Variants in IFT88 observed in about 807,000 individuals in gnomAD.
The protein encoded by IFT88 is intraflagellar transport protein 88 homolog.
A neutral mutation model predicts 119.5 loss-of-function variants in IFT88; 74 were observed. The ratio of observed to expected loss-of-function variants is 0.62; its 90% CI spans 0.51 to 0.75. The LOEUF (loss-of-function observed/expected upper bound fraction) is 0.75. IFT88 is among the 30% of genes least tolerant of loss of function. The pLI is 0.00. For synonymous variants in IFT88, 279 were observed against 316.7 expected, an observed-to-expected ratio of 0.88 and a Z score of 1.26; for missense variants, 961 against 977.7, an observed-to-expected ratio of 0.98 and a Z score of 0.23.
At chr13:20,685,121 G>A (rs187830782) in intron 24 of IFT88, among the ~76,000 whole-genome samples, 97 of 152,334 alleles carry the variant, frequency 6.4e-4, no homozygotes, top group African/African-American at 2.3e-3. Flanking sequence ...CATTCCTTAT[G>A]GGAAACAAAG....
chr13:20,666,075 T>C (rs1227331743), intron 23 of IFT88, among the ~76,000 whole-genome samples: 1 of 152,186 alleles, frequency 6.6e-6, no homozygotes, highest in Middle Eastern at 3.2e-3. Flanking sequence ...TGCTCCTTGT[T>C]CCATAGAACC....
chr13:20,599,368 A>G (rs1157560785), intron 10 of IFT88, 83 bp from the exon 11 acceptor site: 6 of 567,282 alleles, frequency 1.1e-5, no homozygotes, highest in Non-Finnish European at 1.9e-5. Flanking sequence ...AATGCTTCAG[A>G]GAATATGAAT....
intron 15 of IFT88, among the ~76,000 whole-genome samples, chr13:20,630,518 A>G (rs2048040142): frequency 6.6e-6 from 1 of 152,196 alleles, no homozygotes; most frequent in South Asian, 2.1e-4. Flanking sequence ...TATGCAGAAT[A>G]AACACTCAGC....
rs926924522 is a variant in IFT88, at chr13:20,663,673, T to G, written c.2175+69T>G. ...ATGTCAGCCTTCTATAGCTCAAATGTGTGATGTTAGGAGCTTCTATAAGAA... is the reference window on the plus strand; with the variant it reads ...ATGTCAGCCTTCTATAGCTCAAATGGGTGATGTTAGGAGCTTCTATAAGAA... On this transcript the variant is annotated intron_variant, in intron 23 of 25. Transcript: ENST00000351808. 3.6e-6 allele frequency: 4 copies of G among 1,111,280 alleles called. No individual in the cohort carries two copies. The South Asian group carries it at 4.2e-5, about 12-fold the overall frequency. 68.8% of individuals were successfully genotyped at this position (1,111,280 alleles called of 1,614,324 possible).
intron 15 of IFT88, among the ~76,000 whole-genome samples, chr13:20,630,706 G>A (rs919297612): frequency 2.0e-5 from 3 of 152,042 alleles, no homozygotes; most frequent in African/African-American, 7.2e-5. Context: ...GCCTTCCAAG[G>A]CTCATTATTT....
At chr13:20,675,278 C>T (rs772618184) in intron 24 of IFT88, among the ~76,000 whole-genome samples, 1 of 152,116 alleles carries the variant, frequency 6.6e-6, no homozygotes, top group African/African-American at 2.4e-5. Context: ...GGGGCGGGTG[C>T]TGTCACTTCT....
chr13:20,624,542 G>A (rs370920402), intron 14 of IFT88, among the ~76,000 whole-genome samples: 1 of 152,158 alleles, frequency 6.6e-6, no homozygotes, highest in South Asian at 2.1e-4. Flanking sequence ...CATTATACCA[G>A]AAGACTCTAA....
At chr13:20,684,903 C>T (rs752678569) in intron 24 of IFT88, among the ~76,000 whole-genome samples, 1 of 152,218 alleles carries the variant, frequency 6.6e-6, no homozygotes, top group Non-Finnish European at 1.5e-5. Context: ...ATGTTGGGCA[C>T]CGCTTGCCGA....
rs547326608 is a variant in IFT88 at position 20,631,041 on chromosome 13, A to C, written c.1325A>C (p.Glu442Ala). ...NQAVEILKVL[E>A]KKDSRVKSAA... ...GCTGTAGAGATCTTAAAAGTGTTGG[A>C]AAAAAAGGACAGTAGAGTGAAAAGT... is the stretch of plus-strand genomic sequence containing the variant. The change falls in exon 16 of 26, where the codon GAA (glutamate) becomes GCA (alanine). Residue 442 changes from glutamate to alanine, a missense_variant. Glu to Ala is a moderately radical substitution (Grantham distance 107, BLOSUM62 -1). Transcript: ENST00000351808. 66 of 1,588,766 alleles carry C rather than the reference A, an allele frequency of 4.2e-5. 3 individuals carry two copies. In the Admixed American group the frequency reaches 1.0e-3, roughly 24 times the overall value.
At position 20,590,532 on chromosome 13, in the gene IFT88, G is replaced by A. The variant is rs541889282; in HGVS notation, c.211-435G>A. On this transcript the variant is annotated intron_variant, in intron 4 of 25. Transcript: ENST00000351808. ...AAGTAGCCTTGTACATAATATAAACGTGTGTCATATTAAACATGCTTTTAT... is the reference window on the plus strand; with the variant it reads ...AAGTAGCCTTGTACATAATATAAACATGTGTCATATTAAACATGCTTTTAT... Among the ~76,000 whole-genome samples, 8 of 152,162 alleles carry A rather than the reference G, an allele frequency of 5.3e-5. No homozygotes were observed. In the East Asian group the frequency reaches 1.5e-3, roughly 29 times the overall value.
At chr13:20,579,740 C>G (rs1340089790) in intron 2 of IFT88, among the ~76,000 whole-genome samples, 3 of 152,236 alleles carry the variant, frequency 2.0e-5, no homozygotes, top group Non-Finnish European at 4.4e-5. Flanking sequence ...GTAGCCACCA[C>G]AGCTGTGAAT....
At chr13:20,682,048 A>G (rs1056027238) in intron 24 of IFT88, among the ~76,000 whole-genome samples, 2 of 152,236 alleles carry the variant, frequency 1.3e-5, no homozygotes, top group African/African-American at 4.8e-5. Flanking sequence ...AATCAGCTAA[A>G]TGGGTTTGCC....
At chr13:20,685,864 A>G (rs535580963) in intron 24 of IFT88, among the ~76,000 whole-genome samples, 1 of 152,370 alleles carries the variant, frequency 6.6e-6, no homozygotes, top group South Asian at 2.1e-4. Context: ...TGGGAGACAA[A>G]ACAAGACTCC....
intron 15 of IFT88, among the ~76,000 whole-genome samples, 189 bp downstream of exon 15, chr13:20,626,038 CG>C (rs2047241277): frequency 2.5e-5 from 2 of 79,584 alleles, no homozygotes; most frequent in Non-Finnish European, 2.4e-5. Flanking sequence ...GCCTGTTTGT[CG>C]TTTCTTTTTT....
intron 21 of IFT88, among the ~76,000 whole-genome samples, chr13:20,654,306 G>A (rs183735569): frequency 1.3e-5 from 2 of 152,264 alleles, no homozygotes; most frequent in Admixed American, 1.3e-4. Flanking sequence ...CACTTGAGAA[G>A]CCTGAGAAAA....
At chr13:20,614,369 A>G (rs1472455485) in intron 13 of IFT88, 3 of 152,194 alleles carry the variant, frequency 2.0e-5, no homozygotes, top group African/African-American at 4.8e-5. Context: ...GACATATAAC[A>G]TGGATATTAC....
At chr13:20,607,429 G>A (rs1196397947) in intron 13 of IFT88, 8 of 654,118 alleles carry the variant, frequency 1.2e-5, no homozygotes, top group Admixed American at 3.8e-5. Context: ...TAAAGAAGCA[G>A]AGCAACAAGG....
chr13:20,643,415 A>G (rs373229369), intron 18 of IFT88, 40 bp from the exon 19 acceptor site: 159 of 1,513,426 alleles, frequency 1.1e-4, no homozygotes, highest in Non-Finnish European at 7.4e-5. Context: ...TTGCTTAATG[A>G]ATTTAGAAAA....
At chr13:20,650,055 GAA>G (rs2051366183) in intron 20 of IFT88, among the ~76,000 whole-genome samples, 1 of 151,954 alleles carries the variant, frequency 6.6e-6, no homozygotes, top group Non-Finnish European at 1.5e-5. Context: ...GACATTTCAA[GAA>G]AAATTCACAC....
Sources: gnomAD v4.1 joint callset for allele counts (sites outside exome capture counted in the v4.1 genomes callset) on GRCh38, gnomAD v4.1.1 for gene constraint, MANE v1.5 for transcripts, NCBI Gene and HGNC (gene_info 2026-07-23, HGNC 2026-07-21) for gene names.